The following FRMD6 variants were observed in gnomAD, a reference collection of about 807,000 sequenced individuals.
The protein encoded by FRMD6 is FERM domain-containing protein 6.
In FRMD6, 37 loss-of-function variants were observed where a neutral mutation model predicts 73.2. That is an observed-to-expected ratio of 0.51 (90% confidence interval 0.39 to 0.66). FRMD6 has a LOEUF of 0.66. Among genes scored for constraint, FRMD6 ranks in the 30% least tolerant of loss-of-function variants. FRMD6 has a pLI of 0.00. For synonymous variants in FRMD6, 273 were observed against 282.2 expected (o/e 0.97, Z 0.33); for missense variants, 714 against 780.5 (o/e 0.91, Z 1.02).
At chr14:51,595,776 AAC>A (rs1889679159) in intron 2 of FRMD6, among the ~76,000 whole-genome samples, 1 of 152,250 alleles carries the variant, frequency 6.6e-6, no homozygotes, top group Non-Finnish European at 1.5e-5. Flanking sequence ...TTCAGTAAAC[AAC>A]AGTTTGCCTT....
the FRMD6 span, among the ~76,000 whole-genome samples, chr14:51,421,771 G>C: frequency 6.6e-6 from 1 of 152,220 alleles, no homozygotes; most frequent in Non-Finnish European, 1.5e-5. Flanking sequence ...CCTGAGTTTG[G>C]TAAAGCTGCT....
At chr14:51,450,279 C>T in the FRMD6 span, among the ~76,000 whole-genome samples, 1 of 152,240 alleles carries the variant, frequency 6.6e-6, no homozygotes, top group African/African-American at 2.4e-5. Context: ...AGATAAAATT[C>T]TTTGAGTTTC....
intron 2 of FRMD6, among the ~76,000 whole-genome samples, chr14:51,592,025 C>A (rs759826993): frequency 4.6e-5 from 7 of 152,156 alleles, no homozygotes; most frequent in Non-Finnish European, 1.0e-4. Context: ...CTGCCCATAC[C>A]TATATATACT....
chr14:51,484,168 A>G (rs2140147334), upstream of FRMD6, among the ~76,000 whole-genome samples: 1 of 152,332 alleles, frequency 6.6e-6, no homozygotes, highest in East Asian at 1.9e-4. Context: ...GGAATTGGGC[A>G]TGTTCAAAAT....
At chr14:51,596,248 G>GGTGTGTGTGTGTGTGTGT (rs3060588) in intron 2 of FRMD6, among the ~76,000 whole-genome samples, 1 of 147,602 alleles carries the variant, frequency 6.8e-6, no homozygotes, top group Non-Finnish European at 1.5e-5. Context: ...AGGAGAGCCT[G>GGTGTGTGTGTGTGTGTGT]GTGTGTGTGT....
At chr14:51,480,064 G>A in the FRMD6 span, among the ~76,000 whole-genome samples, 2 of 152,282 alleles carry the variant, frequency 1.3e-5, no homozygotes, top group South Asian at 4.1e-4. Flanking sequence ...GGAAGGGGTG[G>A]ATCACTGAAG....
chr14:51,651,728 C>G (rs907414259), upstream of FRMD6: 7 of 149,322 alleles, frequency 4.7e-5, no homozygotes, highest in African/African-American at 1.2e-4. Flanking sequence ...GGGCGCTCCC[C>G]GTACTGCCGC....
chr14:51,501,484 C>A (rs1883618798), intron 1 of FRMD6, among the ~76,000 whole-genome samples: 1 of 152,074 alleles, frequency 6.6e-6, no homozygotes. Context: ...TTATCTATTT[C>A]TGTGTTAGTT....
At chr14:51,530,382 G>A (rs906969638) in intron 1 of FRMD6, among the ~76,000 whole-genome samples, 4 of 152,190 alleles carry the variant, frequency 2.6e-5, no homozygotes, top group African/African-American at 9.6e-5. Flanking sequence ...TGTTGGTTAT[G>A]TAGTCTTAAG....
At chr14:51,715,623 G>C (rs767897956) in intron 10 of FRMD6, 124 bp downstream of exon 10, 1 of 694,140 alleles carries the variant, frequency 1.4e-6, no homozygotes, top group Admixed American at 3.2e-5. Context: ...CAGATTGAGA[G>C]CAGCATTACT....
chr14:51,559,285 A>G (rs1887337708), intron 1 of FRMD6, among the ~76,000 whole-genome samples: 1 of 152,168 alleles, frequency 6.6e-6, no homozygotes, highest in South Asian at 2.1e-4. Flanking sequence ...TCCCTATTTA[A>G]AGGTCATAAT....
chr14:51,704,855 C>T lies in FRMD6; in HGVS notation c.478C>T (p.Leu160=), dbSNP rs1566581145. The change falls in exon 6 of 14, where the codon CTG becomes TTG. Residue 160 remains leucine (L), a synonymous_variant. Coordinates refer to ENST00000344768, the MANE Select transcript of FRMD6 (RefSeq NM_001267046.2). Reference sequence around the variant, plus strand: ...CTACTTCCTGCTGGCAGCCTTTGCCCTGCAGGCTGATCTTGGGAACTTCAA... The same window carrying T: ...CTACTTCCTGCTGGCAGCCTTTGCCTTGCAGGCTGATCTTGGGAACTTCAA... The part of the protein sequence containing the change: ...EAYFLLAAFA[L]QADLGNFKRN... 1 of 1,613,350 alleles carries T rather than the reference C, an allele frequency of 6.2e-7. No individual in the cohort carries two copies. The highest frequency in any genetic ancestry group is 1.1e-5 in the South Asian group (1 of 91,042).
chr14:51,610,306 C>T (rs1890437662), intron 2 of FRMD6, among the ~76,000 whole-genome samples: 1 of 147,874 alleles, frequency 6.8e-6, no homozygotes, highest in Non-Finnish European at 1.5e-5. Flanking sequence ...CTGATAGGTC[C>T]CATCCTATTC....
intron 2 of FRMD6, among the ~76,000 whole-genome samples, chr14:51,616,047 G>C (rs1890695481): frequency 6.6e-6 from 1 of 152,194 alleles, no homozygotes; most frequent in Non-Finnish European, 1.5e-5. Flanking sequence ...AAAGGCCATA[G>C]TTTGAAGTGT....
the FRMD6 span, among the ~76,000 whole-genome samples, chr14:51,477,032 T>A: frequency 8.5e-5 from 13 of 152,190 alleles, no homozygotes; most frequent in Non-Finnish European, 1.9e-4. Context: ...GAGTTACATT[T>A]GTTCCCAATG....
At chr14:51,525,208 A>G (rs1368050732) in intron 1 of FRMD6, among the ~76,000 whole-genome samples, 1 of 151,996 alleles carries the variant, frequency 6.6e-6, no homozygotes, top group Non-Finnish European at 1.5e-5. Context: ...TTAAGTACAA[A>G]CAGAAGGGAA....
intron 2 of FRMD6, chr14:51,638,064 G>A (rs1274507537): frequency 6.6e-6 from 1 of 152,274 alleles, no homozygotes. Context: ...GATGGCTTCA[G>A]CCCAGGAGTT....
At chr14:51,646,387 T>C (rs1347483325) in intron 2 of FRMD6, among the ~76,000 whole-genome samples, 1 of 147,912 alleles carries the variant, frequency 6.8e-6, no homozygotes, top group Non-Finnish European at 1.5e-5. Flanking sequence ...CATAATGTTA[T>C]CACTAGTGTT....
chr14:51,657,095 TATA>T lies in FRMD6; in HGVS notation c.-147+5102_-147+5104del, dbSNP rs568952093. Among the ~76,000 whole-genome samples, 667 of 152,342 alleles carry T rather than the reference TATA, an allele frequency of 4.4e-3. 4 individuals are homozygous for T. Among genetic ancestry groups the T allele is most frequent in the African/African-American group, 0.015 (630 of 41,572 alleles). On this transcript the variant is annotated intron_variant, in intron 1 of 13. Transcript: ENST00000344768. ...ATTTCTTGATGCATATTTTAGGAAA[TATA>T]ATGAAGTTTCTCACTTAGCTTTTCA...
Sources: allele counts gnomAD v4.1 joint callset (sites outside exome capture counted in the v4.1 genomes callset), GRCh38; gene constraint gnomAD v4.1.1; transcripts MANE v1.5; gene names NCBI Gene and HGNC (gene_info 2026-07-23, HGNC 2026-07-21).